ZNF385B: variants seen among roughly 807,000 people sequenced by gnomAD.
The protein encoded by ZNF385B is zinc finger protein 533.
A neutral mutation model predicts 39.2 loss-of-function variants in ZNF385B; 23 were observed. The ratio of observed to expected loss-of-function variants is 0.59; its 90% CI spans 0.42 to 0.83. The LOEUF (loss-of-function observed/expected upper bound fraction) is 0.83. ZNF385B is among the 40% of genes least tolerant of loss of function. The probability of loss-of-function intolerance (pLI) is 0.00; values close to 1 mark genes in which losing one functional copy is unlikely to be tolerated. For missense variants in ZNF385B, 552 were observed against 598.9 expected (o/e 0.92, Z 0.82); for synonymous variants, 205 against 222.6 (o/e 0.92, Z 0.70).
At chr2:179,586,874 T>C (rs1396338200) in intron 3 of ZNF385B, among the ~76,000 whole-genome samples, 1 of 151,928 alleles carries the variant, frequency 6.6e-6, no homozygotes, top group Non-Finnish European at 1.5e-5. Flanking sequence ...CTGTCTCTAC[T>C]AAAAATACAA....
intron 3 of ZNF385B, among the ~76,000 whole-genome samples, chr2:179,554,970 C>T (rs1416964220): frequency 6.7e-6 from 1 of 149,340 alleles, no homozygotes; most frequent in Non-Finnish European, 1.5e-5. Flanking sequence ...TATAAATACC[C>T]TATGACCCAG....
intron 5 of ZNF385B, among the ~76,000 whole-genome samples, chr2:179,508,388 G>A (rs942303577): frequency 6.6e-6 from 1 of 152,082 alleles, no homozygotes; most frequent in African/African-American, 2.4e-5. Context: ...CTTCACTAAA[G>A]AAATCCATAC....
Position 179,816,022 on chromosome 2 carries a change from A to C in ZNF385B, c.-155+45079T>G, listed in dbSNP as rs532782444. 2.6e-5 allele frequency among the ~76,000 whole-genome samples: 4 copies of C among 152,002 alleles called. No homozygotes were observed. In the East Asian group the frequency reaches 7.7e-4, roughly 29 times the overall value. ...ACATATAACACACACACACACACAC[A>C]CCTGCAGATTCAATGTCTCACCTAA... On this transcript the variant is annotated intron_variant, in intron 1 of 9. Transcript: ENST00000410066.
chr2:179,856,573 G>C (rs1684613502), intron 1 of ZNF385B, among the ~76,000 whole-genome samples: 2 of 146,064 alleles, frequency 1.4e-5, no homozygotes, highest in South Asian at 4.3e-4. Flanking sequence ...GTGGGGCATA[G>C]AGTCAGCCAA....
intron 5 of ZNF385B, among the ~76,000 whole-genome samples, chr2:179,507,469 G>C (rs1440843306): frequency 6.6e-6 from 1 of 150,774 alleles, no homozygotes; most frequent in Non-Finnish European, 1.5e-5. Flanking sequence ...CTAGTACAGG[G>C]CCTGGCAGAA....
At chr2:179,760,111 T>G (rs1703280228) in intron 3 of ZNF385B, among the ~76,000 whole-genome samples, 1 of 150,384 alleles carries the variant, frequency 6.6e-6, no homozygotes, top group African/African-American at 2.4e-5. Flanking sequence ...TGCAGTGGCG[T>G]GATCTCAAAA....
chr2:179,624,681 G>A (rs988913511), intron 3 of ZNF385B, among the ~76,000 whole-genome samples: 44 of 152,298 alleles, frequency 2.9e-4, no homozygotes, highest in African/African-American at 9.9e-4. Context: ...CAAAACATTT[G>A]TTGCAGAATG....
At chr2:179,508,236 C>T (rs2057400012) in intron 5 of ZNF385B, among the ~76,000 whole-genome samples, 1 of 152,196 alleles carries the variant, frequency 6.6e-6, no homozygotes, top group Non-Finnish European at 1.5e-5. Context: ...AAACCAGCAA[C>T]TAATCATTTT....
Position 179,443,376 on chromosome 2 carries a change from C to A in ZNF385B, c.1335G>T (p.Ala445=), listed in dbSNP as rs769968642. Residue 445 remains alanine, a synonymous_variant, in exon 10 of 10, where the codon GCG becomes GCT. Coordinates refer to ENST00000410066, the MANE Select transcript of ZNF385B (RefSeq NM_152520.6). ...PLAAAAAVSS[A]LSLPPRPSAS... Reference sequence around the variant, plus strand: ...CAGAGGGCCGGGGTGGGAGTGACAGCGCTGAGGACACGGCTGCCGCCGCTG... The same window carrying A: ...CAGAGGGCCGGGGTGGGAGTGACAGAGCTGAGGACACGGCTGCCGCCGCTG... 1.2e-6 allele frequency: 2 copies of A among 1,612,080 alleles called. No homozygotes were observed. Among genetic ancestry groups the A allele is most frequent in the African/African-American group, 1.3e-5 (1 of 74,984 alleles).
Position 179,549,852 on chromosome 2 carries a change from G to C in ZNF385B, c.299-4883C>G, listed in dbSNP as rs1396413359. Among the ~76,000 whole-genome samples, 3 of 148,982 alleles carry C rather than the reference G, an allele frequency of 2.0e-5. 1 individual carries two copies. Among genetic ancestry groups the C allele is most frequent in the African/African-American group, 7.6e-5 (3 of 39,500 alleles). ...GACAGAGTAGCATTCAGCAAAAATA[G>C]AACCAGCCAAAAGTATAGATTGAGA... On this transcript the variant is annotated intron_variant, in intron 3 of 9. Coordinates refer to ENST00000410066, the MANE Select transcript of ZNF385B (RefSeq NM_152520.6).
chr2:179,523,565 T>A (rs753417801), intron 4 of ZNF385B, among the ~76,000 whole-genome samples: 1 of 152,096 alleles, frequency 6.6e-6, no homozygotes, highest in Non-Finnish European at 1.5e-5. Context: ...TAGATTATAT[T>A]TAGACTCTAG....
chr2:179,592,128 C>A (rs1434629376), intron 3 of ZNF385B, among the ~76,000 whole-genome samples: 1 of 152,138 alleles, frequency 6.6e-6, no homozygotes, highest in East Asian at 1.9e-4. Context: ...AACACTGAGA[C>A]AAATCTCAAG....
chr2:179,673,455 T>C (rs564513633), intron 3 of ZNF385B, among the ~76,000 whole-genome samples: 1 of 152,192 alleles, frequency 6.6e-6, no homozygotes, highest in African/African-American at 2.4e-5. Context: ...GTAGACCCCA[T>C]AATGATCATT....
chr2:179,591,475 A>G (rs1687559448), intron 3 of ZNF385B, among the ~76,000 whole-genome samples: 1 of 152,104 alleles, frequency 6.6e-6, no homozygotes, highest in East Asian at 1.9e-4. Context: ...CCTGGCTAAT[A>G]CTGCTTTTCT....
intron 1 of ZNF385B, among the ~76,000 whole-genome samples, chr2:179,823,991 G>A (rs1439660775): frequency 6.6e-6 from 1 of 152,118 alleles, no homozygotes; most frequent in Non-Finnish European, 1.5e-5. Flanking sequence ...GGTTTGGCTT[G>A]ATCCAGCTGA....
At chr2:179,560,900 T>A (rs1032323421) in intron 3 of ZNF385B, among the ~76,000 whole-genome samples, 4 of 152,228 alleles carry the variant, frequency 2.6e-5, no homozygotes, top group Admixed American at 6.5e-5. Context: ...ATATCTCTAG[T>A]TCTGTCTCCA....
chr2:179,447,809 T>G (rs543791040), intron 6 of ZNF385B, among the ~76,000 whole-genome samples: 1 of 152,192 alleles, frequency 6.6e-6, no homozygotes, highest in Non-Finnish European at 1.5e-5. Context: ...AAGGAGAGAC[T>G]AGGCAACAGC....
intron 1 of ZNF385B, among the ~76,000 whole-genome samples, chr2:179,807,921 AGAAAGAAAGAAG>A (rs1306638039): frequency 2.3e-4 from 35 of 150,700 alleles, no homozygotes; most frequent in South Asian, 6.3e-4. Context: ...AAAGAAAGAA[AGAAAGAAAGAAG>A]GAAGGAAGGA....
At chr2:179,587,698 A>AAG (rs79313417) in intron 3 of ZNF385B, among the ~76,000 whole-genome samples, 54,889 of 151,882 alleles carry the variant, frequency 0.36, 9,991 homozygotes, top group Non-Finnish European at 0.39. Flanking sequence ...CTCTAAGTAA[A>AAG]AGGTTTAAAA....
Sources: allele counts gnomAD v4.1 joint callset (sites outside exome capture counted in the v4.1 genomes callset), GRCh38; gene constraint gnomAD v4.1.1; transcripts MANE v1.5; gene names NCBI Gene and HGNC (gene_info 2026-07-23, HGNC 2026-07-21).